Variants in RGS7 observed in about 807,000 individuals in gnomAD.
RGS7 encodes regulator of G-protein signaling 7.
A neutral mutation model predicts 81.1 loss-of-function variants in RGS7; 27 were observed. The observed-to-expected ratio is 0.33, with a 90% confidence interval of 0.25 to 0.46. The LOEUF (loss-of-function observed/expected upper bound fraction) is 0.46. RGS7 is among the 20% of genes least tolerant of loss of function. The pLI, the probability that RGS7 is intolerant of heterozygous loss-of-function variation, is 1.00. For missense variants in RGS7, 396 were observed against 607.4 expected (o/e 0.65, Z 3.66); for synonymous variants, 208 against 207.7 (o/e 1.00, Z -0.01).
rs113499440 is a variant in RGS7 at position 241,287,344 on chromosome 1, C to T, written c.78+68355G>A. Among the ~76,000 whole-genome samples the T allele has an allele frequency of 4.9e-3, 748 of 152,144 alleles. 5 individuals carry two copies. The highest frequency in any genetic ancestry group is 0.017 in the African/African-American group (704 of 41,470). On this transcript the variant is annotated intron_variant, in intron 2 of 18. Transcript: ENST00000440928. ...GTGGGAGGTGATTGAATCATGGAGG[C>T]GGGTCTTTCCTGTGCTGTTCTTGTG...
intron 2 of RGS7, among the ~76,000 whole-genome samples, chr1:241,190,306 T>C (rs1162958289): frequency 1.3e-5 from 2 of 152,216 alleles, no homozygotes; most frequent in African/African-American, 2.4e-5. Flanking sequence ...TTAGCTATTT[T>C]AGTTCCTTTG....
intron 2 of RGS7, among the ~76,000 whole-genome samples, chr1:241,176,986 G>T (rs56156343): frequency 6.6e-6 from 1 of 151,990 alleles, no homozygotes; most frequent in African/African-American, 2.4e-5. Context: ...CTAAGGCCAC[G>T]CATGGAGCAA....
At chr1:241,282,268 G>T (rs922654771) in intron 2 of RGS7, among the ~76,000 whole-genome samples, 1 of 152,100 alleles carries the variant, frequency 6.6e-6, no homozygotes, top group Non-Finnish European at 1.5e-5. Flanking sequence ...TTCTGTTCCT[G>T]TATTAATTTG....
At chr1:241,343,261 CA>C (rs35447784) in intron 2 of RGS7, among the ~76,000 whole-genome samples, 21 of 136,660 alleles carry the variant, frequency 1.5e-4, no homozygotes, top group Admixed American at 2.2e-4. Flanking sequence ...GACTGTGTCT[CA>C]AAAAAAAAAA....
chr1:240,959,196 A>T (rs1680939410), intron 4 of RGS7, among the ~76,000 whole-genome samples: 1 of 152,270 alleles, frequency 6.6e-6, no homozygotes, highest in South Asian at 2.1e-4. Flanking sequence ...GAATTAAAAG[A>T]ATCAATGCCT....
chr1:240,948,390 T>C (rs1679001279), intron 4 of RGS7, among the ~76,000 whole-genome samples: 1 of 152,172 alleles, frequency 6.6e-6, no homozygotes, highest in Admixed American at 6.5e-5. Context: ...CACAAATTCT[T>C]AGAAATAAAA....
At position 241,093,189 on chromosome 1, in the gene RGS7, T is replaced by C. The variant is rs552078847; in HGVS notation, c.175+5477A>G. Reference sequence around the variant, plus strand: ...AGATACAAATAATCATCTATCTGCCTGCTCTAAAGGCTTTGATACTATTAT... The same window carrying C: ...AGATACAAATAATCATCTATCTGCCCGCTCTAAAGGCTTTGATACTATTAT... On this transcript the variant is annotated intron_variant, in intron 3 of 18. Coordinates refer to ENST00000440928, the MANE Select transcript of RGS7 (RefSeq NM_001364886.1). 3.9e-5 allele frequency among the ~76,000 whole-genome samples: 6 copies of C among 152,304 alleles called. No individual in the cohort carries two copies. In the East Asian group the frequency reaches 1.2e-3, roughly 29 times the overall value.
At chr1:241,259,667 A>AAAATATATATAT in intron 2 of RGS7, among the ~76,000 whole-genome samples, 4 of 49,140 alleles carry the variant, frequency 8.1e-5, no homozygotes, top group African/African-American at 2.4e-4. Context: ...AAAAAAAAAA[A>AAAATATATATAT]ATATATATAT....
intron 4 of RGS7, among the ~76,000 whole-genome samples, chr1:240,955,795 A>G (rs576704850): frequency 3.4e-4 from 52 of 152,320 alleles, no homozygotes; most frequent in African/African-American, 1.2e-3. Flanking sequence ...TGTTGTTTTA[A>G]CACAACACAA....
chr1:240,867,677 C>G (rs1190022145), intron 9 of RGS7, among the ~76,000 whole-genome samples: 1 of 152,166 alleles, frequency 6.6e-6, no homozygotes, highest in Non-Finnish European at 1.5e-5. Context: ...TGAAAGTCAA[C>G]AACCAAAGCA....
intron 16 of RGS7, among the ~76,000 whole-genome samples, chr1:240,802,575 T>A (rs1036184293): frequency 2.0e-5 from 3 of 152,156 alleles, no homozygotes; most frequent in African/African-American, 7.2e-5. Flanking sequence ...TTTGACCTAA[T>A]GACTTTGTTA....
chr1:240,957,824 A>G (rs1016173765), intron 4 of RGS7, among the ~76,000 whole-genome samples: 2 of 152,208 alleles, frequency 1.3e-5, no homozygotes, highest in African/African-American at 4.8e-5. Flanking sequence ...ATCTAAACCT[A>G]TTCTAAAATA....
chr1:240,892,850 C>A (rs1462212642), intron 6 of RGS7, among the ~76,000 whole-genome samples: 1 of 152,130 alleles, frequency 6.6e-6, no homozygotes, highest in Non-Finnish European at 1.5e-5. Flanking sequence ...GGAAATCATT[C>A]TTTGCTCAAT....
intron 3 of RGS7, among the ~76,000 whole-genome samples, chr1:241,003,075 T>C (rs1303546408): frequency 6.6e-6 from 1 of 152,218 alleles, no homozygotes; most frequent in Non-Finnish European, 1.5e-5. Context: ...TTTACACTAT[T>C]GGTATACTCG....
intron 2 of RGS7, among the ~76,000 whole-genome samples, chr1:241,258,371 G>A (rs2077147481): frequency 6.6e-6 from 1 of 152,166 alleles, no homozygotes; most frequent in Non-Finnish European, 1.5e-5. Flanking sequence ...GGAACGAGAA[G>A]TAATAGAGGG....
At chr1:240,858,980 T>A (rs1026514630) in intron 9 of RGS7, among the ~76,000 whole-genome samples, 6 of 152,138 alleles carry the variant, frequency 3.9e-5, no homozygotes, top group Admixed American at 2.0e-4. Context: ...TTGCTTTGGG[T>A]ATTGGGGTAA....
chr1:241,055,533 A>G (rs894017380), intron 3 of RGS7, among the ~76,000 whole-genome samples: 1 of 152,152 alleles, frequency 6.6e-6, no homozygotes, highest in African/African-American at 2.4e-5. Context: ...GTCATTTATT[A>G]TAAAGGATAT....
At chr1:240,891,175 A>G (rs1162351027) in intron 6 of RGS7, among the ~76,000 whole-genome samples, 5 of 148,894 alleles carry the variant, frequency 3.4e-5, no homozygotes, top group African/African-American at 1.2e-4. Context: ...AAAACAGGTA[A>G]TTTAATTATT....
At chr1:240,847,264 G>A (rs1659265394) in intron 9 of RGS7, among the ~76,000 whole-genome samples, 1 of 152,148 alleles carries the variant, frequency 6.6e-6, no homozygotes, top group Non-Finnish European at 1.5e-5. Flanking sequence ...TGTGTGCCAG[G>A]TACTGTCCTA....
Sources: gnomAD v4.1 joint callset for allele counts (sites outside exome capture counted in the v4.1 genomes callset) on GRCh38, gnomAD v4.1.1 for gene constraint, MANE v1.5 for transcripts, NCBI Gene and HGNC (gene_info 2026-07-23, HGNC 2026-07-21) for gene names.